Variants in DNAH8 observed in about 807,000 individuals in gnomAD.
DNAH8 encodes the protein dynein axonemal heavy chain 8, also known as axonemal beta dynein heavy chain 8.
Under a neutral mutation model 562.1 loss-of-function variants are expected in DNAH8, and 382 were observed. The observed-to-expected ratio is 0.68, with a 90% confidence interval of 0.63 to 0.74. The LOEUF (loss-of-function observed/expected upper bound fraction) is 0.74, where lower values mean the gene tolerates loss of function less well. Ranked by LOEUF, DNAH8 falls within the 30% of genes least tolerant of loss-of-function variation. The pLI is 0.00. For synonymous variants in DNAH8, 1,881 were observed against 1,919.4 expected (o/e 0.98, Z 0.52); for missense variants, 5,203 against 5,620.4 (o/e 0.93, Z 2.37).
chr6:38,720,974 A>G (rs1301642397), intron 1 of DNAH8, among the ~76,000 whole-genome samples: 1 of 152,210 alleles, frequency 6.6e-6, no homozygotes, highest in African/African-American at 2.4e-5. Context: ...TCAACAGCAG[A>G]TCAAGCAAAG....
At position 38,790,331 on chromosome 6, in the gene DNAH8, T is replaced by C. The variant is rs746701565; in HGVS notation, c.2707T>C (p.Ser903Pro). 1.3e-5 allele frequency: 21 copies of C among 1,608,632 alleles called. No homozygotes were observed. Among genetic ancestry groups the C allele is most frequent in the Non-Finnish European group, 1.6e-5 (19 of 1,178,482 alleles). The stretch of plus-strand genomic sequence containing the variant: ...GCAAGGACTCACAGTGTTAACATGG[T>C]CGTCTTTAACACTGGAAAGCTTCTT... ...LRQGLTVLTW[S>P]SLTLESFFQE... The change falls in exon 20 of 93, where the codon TCG (serine) becomes CCG (proline). Residue 903 changes from serine to proline, a missense_variant. Physicochemically the swap from Ser to Pro is moderately conservative, Grantham distance 74 (BLOSUM62 -1). Transcript: ENST00000327475.
intron 67 of DNAH8, 77 bp from the exon 68 acceptor site, chr6:38,915,124 A>G: frequency 8.2e-7 from 1 of 1,216,914 alleles, no homozygotes; most frequent in Non-Finnish European, 1.2e-6. Context: ...TTGAATAAAT[A>G]TTTGCTCACT....
At chr6:38,818,520 G>GAAAGCA (rs980706589) in intron 26 of DNAH8, among the ~76,000 whole-genome samples, 7 of 32,352 alleles carry the variant, frequency 2.2e-4, no homozygotes, top group African/African-American at 8.9e-4. Flanking sequence ...TCCAAAATAA[G>GAAAGCA]AAAGCAAAAG....
chr6:38,985,909 C>T (rs1248849470), intron 87 of DNAH8, among the ~76,000 whole-genome samples: 2 of 152,150 alleles, frequency 1.3e-5, no homozygotes, highest in African/African-American at 2.4e-5. Flanking sequence ...CTCCAGACAG[C>T]GGTGGGGAGT....
intron 74 of DNAH8, 191 bp from the exon 75 acceptor site, chr6:38,929,320 C>T (rs1782353394): frequency 2.0e-6 from 1 of 506,926 alleles, no homozygotes; most frequent in Non-Finnish European, 3.4e-6. Flanking sequence ...ACATCTAGAC[C>T]CCATTCAACA....
chr6:38,771,553 C>T (rs1202861535), intron 12 of DNAH8, among the ~76,000 whole-genome samples: 1 of 152,168 alleles, frequency 6.6e-6, no homozygotes, highest in Non-Finnish European at 1.5e-5. Context: ...ACCCCATTCT[C>T]TCCTCTCCCC....
chr6:38,836,026 T>C (rs1774253484), intron 32 of DNAH8, among the ~76,000 whole-genome samples: 1 of 151,846 alleles, frequency 6.6e-6, no homozygotes, highest in Non-Finnish European at 1.5e-5. Context: ...ATTGGATGGA[T>C]CATGAATTTA....
intron 57 of DNAH8, 99 bp downstream of exon 57, chr6:38,887,103 G>A: frequency 9.7e-6 from 8 of 827,524 alleles, no homozygotes; most frequent in African/African-American, 1.7e-5. Context: ...CTAAAGTGGG[G>A]TTAGGTATGT....
chr6:39,003,451 C>T (rs1197022233), intron 88 of DNAH8, among the ~76,000 whole-genome samples: 3 of 151,986 alleles, frequency 2.0e-5, no homozygotes, highest in Non-Finnish European at 4.4e-5. Context: ...TTCTAAAAGT[C>T]CTACATTCTT....
chr6:38,972,872 A>G (rs374118427), intron 83 of DNAH8, among the ~76,000 whole-genome samples: 30 of 152,312 alleles, frequency 2.0e-4, no homozygotes, highest in African/African-American at 7.0e-4. Flanking sequence ...CCCCAGTTGT[A>G]TAGACGGCAC....
chr6:38,799,823 C>G (rs955028030), intron 21 of DNAH8, among the ~76,000 whole-genome samples: 1 of 152,216 alleles, frequency 6.6e-6, no homozygotes, highest in Non-Finnish European at 1.5e-5. Flanking sequence ...ATAGACATGC[C>G]TATTCTGGAC....
chr6:39,008,771 A>G (rs751514180), intron 88 of DNAH8, 43 bp from the exon 89 acceptor site: 1 of 1,285,096 alleles, frequency 7.8e-7, no homozygotes, highest in South Asian at 1.5e-5. Flanking sequence ...TATCTCTTAC[A>G]TGTTTCCCTG....
intron 91 of DNAH8, among the ~76,000 whole-genome samples, chr6:39,021,766 A>G (rs557219052): frequency 6.6e-6 from 1 of 152,350 alleles, no homozygotes; most frequent in East Asian, 1.9e-4. Context: ...CCTAAGGCCT[A>G]TTGCATAAGG....
At position 38,818,537 on chromosome 6, in the gene DNAH8, C is replaced by CAAAAAAAAAAAAAAAAAAAAAA. The variant is rs70981590; in HGVS notation, c.3523+2896_3523+2897insAAAAAAAAAAAAAAAAAAAAAA. ...CAAAATAAGAAAGCAAAAGCAAAAG[C>CAAAAAAAAAAAAAAAAAAAAAA]AAAAAAAAAAAAAAAAGAAGATATG... is the stretch of plus-strand genomic sequence containing the variant. On this transcript the variant is annotated intron_variant, in intron 26 of 92. Transcript: ENST00000327475. Among the ~76,000 whole-genome samples, 65 of 75,800 alleles carry CAAAAAAAAAAAAAAAAAAAAAA rather than the reference C, an allele frequency of 8.6e-4. 1 individual carries two copies. The highest frequency in any genetic ancestry group is 1.2e-3 in the African/African-American group (19 of 16,118). 49.7% of individuals were successfully genotyped at this position (75,800 alleles called of 152,430 possible).
At chr6:38,941,972 C>A (rs892257720) in intron 79 of DNAH8, among the ~76,000 whole-genome samples, 10 of 152,056 alleles carry the variant, frequency 6.6e-5, no homozygotes, top group Admixed American at 6.6e-4. Context: ...GTAGAGCTCT[C>A]GTGAATGGGG....
intron 11 of DNAH8, chr6:38,763,250 A>G (rs1221586569): frequency 3.9e-6 from 1 of 253,174 alleles, no homozygotes; most frequent in Non-Finnish European, 7.7e-6. Context: ...TGTTTTTCCC[A>G]CTATTCGAAA....
chr6:38,798,357 C>T (rs938588259), intron 21 of DNAH8, among the ~76,000 whole-genome samples: 10 of 152,180 alleles, frequency 6.6e-5, no homozygotes, highest in African/African-American at 1.9e-4. Context: ...TAGTCCCTGG[C>T]GTACCCCTAA....
At chr6:38,867,342 T>C (rs543044170) in intron 47 of DNAH8, among the ~76,000 whole-genome samples, 5 of 152,020 alleles carry the variant, frequency 3.3e-5, no homozygotes, top group Non-Finnish European at 7.4e-5. Context: ...CCCACCTCTC[T>C]CCCAAATCCC....
rs1380746101 is a variant in DNAH8 at position 38,917,930 on chromosome 6, G to T, written c.10314G>T (p.Met3438Ile). 20 of 1,605,912 alleles carry T rather than the reference G, an allele frequency of 1.2e-5. No individual in the cohort carries two copies. Among genetic ancestry groups the T allele is most frequent in the Non-Finnish European group, 1.7e-5 (20 of 1,176,328 alleles). The change falls in exon 70 of 93, where the codon ATG becomes ATT. Residue 3438 changes from methionine to isoleucine, a missense_variant. Physicochemically the swap from Met to Ile is conservative, Grantham distance 10. Around this residue, in one of 6 missense-constraint regions of DNAH8, gnomAD observed 87 missense variants for 144.9 expected, o/e 0.60. Coordinates refer to ENST00000327475, the MANE Select transcript of DNAH8 (RefSeq NM_001206927.2). ...KPSWGESLKL[M>I]SATGFLWSLQ... ...GTTATAATACTATTTTTCAGTTGAT[G>T]AGTGCAACAGGATTCCTGTGGAGCC...
Sources: gnomAD v4.1 joint callset for allele counts (sites outside exome capture counted in the v4.1 genomes callset) on GRCh38, gnomAD v4.1.1 for gene constraint, gnomAD v4.1.1 regional missense constraint, MANE v1.5 for transcripts, NCBI Gene and HGNC (gene_info 2026-07-23, HGNC 2026-07-21) for gene names.